SNTG1: variants seen among roughly 807,000 people sequenced by gnomAD.
The protein encoded by SNTG1 is gamma-1-syntrophin.
Under a neutral mutation model 74.7 loss-of-function variants are expected in SNTG1, and 39 were observed. That is an observed-to-expected ratio of 0.52 (90% CI 0.40 to 0.68). The LOEUF is 0.68. Among genes scored for constraint, SNTG1 ranks in the 30% least tolerant of loss-of-function variants. The pLI, the probability that SNTG1 is intolerant of heterozygous loss-of-function variation, is 0.00. For synonymous variants in SNTG1, 254 were observed against 217.1 expected (o/e 1.17, Z -1.49); for missense variants, 685 against 609.5 (o/e 1.12, Z -1.30).
At chr8:50,364,059 CT>C (rs2092039600) in intron 2 of SNTG1, among the ~76,000 whole-genome samples, 1 of 152,096 alleles carries the variant, frequency 6.6e-6, no homozygotes, top group South Asian at 2.1e-4. Flanking sequence ...CTCAGAATCC[CT>C]TTGATTAGGG....
rs370602925 is a variant in SNTG1, at chr8:50,610,675, T to TTG, written c.849+19760_849+19761dup. On this transcript the variant is annotated intron_variant, in intron 13 of 18. Transcript: ENST00000642720. ...GATTCCATGCCATCAGATATCAAAGTTGTTGGGTTTCGTGTCATGTTCATG... is the reference window on the plus strand; with the variant it reads ...GATTCCATGCCATCAGATATCAAAGTTGTGTTGGGTTTCGTGTCATGTTCATG... 7.1e-3 allele frequency among the ~76,000 whole-genome samples: 1,075 copies of TTG among 152,230 alleles called. 17 individuals are homozygous for TTG. The highest frequency in any genetic ancestry group is 0.025 in the African/African-American group (1,026 of 41,532).
intron 2 of SNTG1, among the ~76,000 whole-genome samples, chr8:50,368,243 C>T (rs2092172152): frequency 6.6e-6 from 1 of 152,048 alleles, no homozygotes; most frequent in South Asian, 2.1e-4. Flanking sequence ...ATCTTGGTTG[C>T]ATTTTGTTCC....
At chr8:50,011,280 G>A (rs1167576947) in intron 1 of SNTG1, among the ~76,000 whole-genome samples, 6 of 152,048 alleles carry the variant, frequency 3.9e-5, no homozygotes, top group African/African-American at 1.2e-4. Context: ...ATCTCTATTA[G>A]CAAATAAAAT....
Position 50,724,890 on chromosome 8 carries a change from A to G in SNTG1, c.1284+15912A>G, listed in dbSNP as rs117025568. Among the ~76,000 whole-genome samples the G allele has an allele frequency of 2.3e-4, 35 of 152,300 alleles. No homozygotes were observed. In the East Asian group the frequency reaches 6.4e-3, roughly 28 times the overall value. ...TTTAATTTGATAGAAATAAATTTCT[A>G]AAACTTTTATTCTACAAATGGGATG... On this transcript the variant is annotated intron_variant, in intron 17 of 18. Transcript: ENST00000642720.
chr8:50,617,983 G>A (rs1563652978), intron 13 of SNTG1, among the ~76,000 whole-genome samples: 1 of 152,024 alleles, frequency 6.6e-6, no homozygotes, highest in Admixed American at 6.5e-5. Context: ...ATGAGGGGTG[G>A]TCTCCTCCCT....
At chr8:49,960,853 A>G (rs2129714363) in intron 1 of SNTG1, among the ~76,000 whole-genome samples, 1 of 152,288 alleles carries the variant, frequency 6.6e-6, no homozygotes, top group South Asian at 2.1e-4. Flanking sequence ...GGATGCAATG[A>G]GATAATGGCC....
chr8:50,138,087 G>GT (rs941959154), intron 1 of SNTG1, among the ~76,000 whole-genome samples: 5 of 151,922 alleles, frequency 3.3e-5, no homozygotes, highest in East Asian at 1.9e-4. Context: ...GGAGGAATAA[G>GT]TTTTTTTTAC....
chr8:50,335,811 T>G (rs2091120811), intron 2 of SNTG1, among the ~76,000 whole-genome samples: 1 of 145,876 alleles, frequency 6.9e-6, no homozygotes, highest in Non-Finnish European at 1.5e-5. Context: ...TATGCTTTTA[T>G]GTTTTATTAT....
At chr8:50,306,767 T>C (rs563655284) in intron 2 of SNTG1, among the ~76,000 whole-genome samples, 22 of 152,150 alleles carry the variant, frequency 1.4e-4, no homozygotes, top group African/African-American at 5.1e-4. Flanking sequence ...TTGAGTTCCA[T>C]GTAGATTTCA....
chr8:50,379,816 G>A (rs1349058052), intron 2 of SNTG1, among the ~76,000 whole-genome samples: 3 of 152,244 alleles, frequency 2.0e-5, no homozygotes, highest in African/African-American at 7.2e-5. Context: ...TCTCCAGCAT[G>A]TGTTAGCTGG....
chr8:50,783,009 A>G (rs1236147666), intron 18 of SNTG1, among the ~76,000 whole-genome samples: 1 of 152,136 alleles, frequency 6.6e-6, no homozygotes, highest in Non-Finnish European at 1.5e-5. Flanking sequence ...CGGTGGCTGC[A>G]GAAGAGCCGA....
intron 2 of SNTG1, among the ~76,000 whole-genome samples, chr8:50,306,579 T>C (rs574969494): frequency 6.6e-6 from 1 of 152,136 alleles, no homozygotes; most frequent in South Asian, 2.1e-4. Flanking sequence ...GACTTTTTCA[T>C]ATTAGCCATT....
At chr8:50,152,047 G>A (rs1050808404) in intron 1 of SNTG1, among the ~76,000 whole-genome samples, 2 of 152,138 alleles carry the variant, frequency 1.3e-5, no homozygotes, top group Non-Finnish European at 2.9e-5. Flanking sequence ...GGGAGTCTAA[G>A]TCTCTTTGTA....
chr8:50,282,756 C>T (rs527636040), intron 2 of SNTG1, among the ~76,000 whole-genome samples: 258 of 152,038 alleles, frequency 1.7e-3, no homozygotes, highest in African/African-American at 6.0e-3. Flanking sequence ...ACAGAAGAGA[C>T]TCTGTCCATC....
chr8:50,775,826 G>A (rs1387639081), intron 18 of SNTG1, among the ~76,000 whole-genome samples: 1 of 151,430 alleles, frequency 6.6e-6, no homozygotes, highest in Non-Finnish European at 1.5e-5. Context: ...GAGTTGATAT[G>A]TTTTTCTTGT....
At chr8:50,456,448 T>C (rs1480865372) in intron 8 of SNTG1, among the ~76,000 whole-genome samples, 5 of 152,162 alleles carry the variant, frequency 3.3e-5, no homozygotes. Context: ...ACCAACAGGC[T>C]TGGAGTGCAC....
intron 12 of SNTG1, among the ~76,000 whole-genome samples, chr8:50,577,005 A>G (rs889823852): frequency 2.0e-5 from 3 of 152,142 alleles, no homozygotes; most frequent in Admixed American, 6.5e-5. Context: ...TAATATGGTG[A>G]AAAGCAGGCA....
intron 18 of SNTG1, among the ~76,000 whole-genome samples, chr8:50,767,322 G>T (rs537971059): frequency 6.6e-6 from 1 of 152,088 alleles, no homozygotes. Flanking sequence ...GTGAGAAAGC[G>T]TCAGAAATAC....
chr8:50,306,474 C>A (rs1563873486), intron 2 of SNTG1, among the ~76,000 whole-genome samples: 1 of 152,026 alleles, frequency 6.6e-6, no homozygotes, highest in South Asian at 2.1e-4. Context: ...AATTTCCATA[C>A]TATTTTCCAT....
Sources: allele counts gnomAD v4.1 joint callset (sites outside exome capture counted in the v4.1 genomes callset), GRCh38; gene constraint gnomAD v4.1.1; transcripts MANE v1.5; gene names NCBI Gene and HGNC (gene_info 2026-07-23, HGNC 2026-07-21).